SLC26A3: variants seen among roughly 807,000 people sequenced by gnomAD.
The protein encoded by SLC26A3 is solute carrier family 26 member 3, also known as chloride anion exchanger.
A neutral mutation model predicts 85.6 loss-of-function variants in SLC26A3; 64 were observed. The observed-to-expected ratio is 0.75, with a 90% CI of 0.61 to 0.92. The LOEUF (loss-of-function observed/expected upper bound fraction) is 0.92. Among genes scored for constraint, SLC26A3 ranks in the 40% least tolerant of loss-of-function variants. The probability of loss-of-function intolerance (pLI) is 0.00; values close to 1 mark genes in which losing one functional copy is unlikely to be tolerated. For synonymous variants in SLC26A3, 349 were observed against 336.0 expected (o/e 1.04, Z -0.42); for missense variants, 922 against 927.3 (o/e 0.99, Z 0.07).
At chr7:107,775,045 C>G (rs540328337) in intron 15 of SLC26A3, among the ~76,000 whole-genome samples, 173 bp from the exon 16 acceptor site, 1 of 152,322 alleles carries the variant, frequency 6.6e-6, no homozygotes, top group East Asian at 1.9e-4. Context: ...GGGTCAGACC[C>G]ATGGTCTGCT....
intron 3 of SLC26A3, among the ~76,000 whole-genome samples, 171 bp downstream of exon 3, chr7:107,793,571 T>C (rs1488085318): frequency 6.6e-6 from 1 of 151,756 alleles, no homozygotes; most frequent in East Asian, 1.9e-4. Flanking sequence ...GTAGGGGGGA[T>C]GTGAAGTTAA....
At position 107,765,856 on chromosome 7, in the gene SLC26A3, T is replaced by G. The variant is rs779814716; in HGVS notation, c.2294A>C (p.Ter765SerextTer24). Reference protein sequence around the residue: ...VYEVPVETKF* With the variant: ...VYEVPVETKFS ...AGATCCTTCTGAATTATATGTTGAT[T>G]AGAATTTTGTTTCAACTGGCACCTG... Residue 765 changes from the stop codon to serine, a stop_lost, in exon 21 of 21, where the codon TAA becomes TCA. Transcript: ENST00000340010. 2 of 1,609,902 alleles carry G rather than the reference T, an allele frequency of 1.2e-6. No individual in the cohort carries two copies. The highest frequency in any genetic ancestry group is 2.2e-5 in the East Asian group (1 of 44,790).
intron 3 of SLC26A3, among the ~76,000 whole-genome samples, chr7:107,792,947 T>G (rs1794427745): frequency 6.6e-6 from 1 of 152,108 alleles, no homozygotes; most frequent in Non-Finnish European, 1.5e-5. Flanking sequence ...AATAGACATG[T>G]TTCAAAAGAT....
chr7:107,766,166 TACCCCAGTCACC>T (rs2115777546), intron 20 of SLC26A3, among the ~76,000 whole-genome samples: 1 of 152,328 alleles, frequency 6.6e-6, no homozygotes, highest in South Asian at 2.1e-4. Flanking sequence ...ATTCAGCTGT[TACCCCAGTCACC>T]ACTGGTGGCC....
In SLC26A3 at chr7:107,772,121, A is replaced by G. The variant is rs1433309666; in HGVS notation, c.2008-13T>C. 2 of 1,520,308 alleles carry G rather than the reference A, an allele frequency of 1.3e-6. No individual in the cohort carries two copies. The highest frequency in any genetic ancestry group is 3.3e-5 in the Admixed American group (2 of 59,834). The allele number at this position is 1,520,308 out of a possible 1,614,324, so 94.2% of individuals were successfully genotyped here. On this transcript the variant is annotated splice_polypyrimidine_tract_variant and intron_variant, in intron 17 of 20. Coordinates refer to ENST00000340010, the MANE Select transcript of SLC26A3 (RefSeq NM_000111.3). Reference sequence around the variant, plus strand: ...ATTCTTGCAAAATCTGTTAAAAAGAAAAGTATATCTTCCTTAGGGAACAGT... The same window carrying G: ...ATTCTTGCAAAATCTGTTAAAAAGAGAAGTATATCTTCCTTAGGGAACAGT...
rs1160241316 is a variant in SLC26A3, at chr7:107,803,132, G to A, written c.-110C>T. ...CTACCTGACACATACTCTGTGAGGAGCTTCTGCAACAGTGGTACATTTTCA... is the reference window on the plus strand; with the variant it reads ...CTACCTGACACATACTCTGTGAGGAACTTCTGCAACAGTGGTACATTTTCA... On this transcript the variant is annotated 5_prime_UTR_variant, in exon 1 of 21. Coordinates refer to ENST00000340010, the MANE Select transcript of SLC26A3 (RefSeq NM_000111.3). 6.6e-6 allele frequency: 1 copy of A among 152,322 alleles called. No individual in the cohort carries two copies. The highest frequency in any genetic ancestry group is 1.5e-5 in the Non-Finnish European group (1 of 68,028). The allele number at this position is 152,322 out of a possible 1,614,324, so 9.4% of individuals were successfully genotyped here.
chr7:107,776,397 T>G, intron 15 of SLC26A3, 55 bp downstream of exon 15: 1 of 1,341,910 alleles, frequency 7.5e-7, no homozygotes, highest in Non-Finnish European at 1.1e-6. Context: ...AACAATGACA[T>G]TCCCAGAATT....
At chr7:107,797,533 G>C (rs534917678) in intron 1 of SLC26A3, among the ~76,000 whole-genome samples, 1 of 139,428 alleles carries the variant, frequency 7.2e-6, no homozygotes, top group African/African-American at 2.7e-5. Context: ...CCAGACTTTA[G>C]AGAGAAATCT....
intron 15 of SLC26A3, chr7:107,776,092 T>A (rs1276484902): frequency 6.0e-6 from 2 of 335,360 alleles, no homozygotes; most frequent in Admixed American, 8.6e-5. Flanking sequence ...GAGGATGTGG[T>A]CAAATATTAA....
chr7:107,791,886 G>C lies in SLC26A3; in HGVS notation c.326C>G (p.Ser109Cys). Residue 109 changes from serine (S) to cysteine (C), a missense_variant, in exon 4 of 21, where the codon TCC becomes TGC. Coordinates refer to ENST00000340010, the MANE Select transcript of SLC26A3 (RefSeq NM_000111.3). ...DIPPVYGLYA[S>C]FFPAIIYLFF... ...AAGGTAGATTATGGCTGGGAAAAAG[G>C]ATGCATACAACCCATAGACTGGGGG... is the stretch of plus-strand genomic sequence containing the variant. 6.2e-7 allele frequency: 1 copy of C among 1,613,904 alleles called. No individual in the cohort carries two copies. Among genetic ancestry groups the C allele is most frequent in the Non-Finnish European group, 8.5e-7 (1 of 1,179,816 alleles).
chr7:107,786,642 T>A (rs1794300547), intron 8 of SLC26A3, among the ~76,000 whole-genome samples, 185 bp downstream of exon 8: 1 of 150,062 alleles, frequency 6.7e-6, no homozygotes, highest in Non-Finnish European at 1.5e-5. Flanking sequence ...CTGCACACCC[T>A]GCCTTTCTTT....
intron 12 of SLC26A3, among the ~76,000 whole-genome samples, chr7:107,779,267 C>T (rs1260940786): frequency 6.6e-6 from 1 of 152,052 alleles, no homozygotes; most frequent in Non-Finnish European, 1.5e-5. Flanking sequence ...AGAGTATTTC[C>T]AAAAGCAATG....
At chr7:107,782,722 G>T in intron 11 of SLC26A3, 75 bp downstream of exon 11, 2 of 1,342,056 alleles carry the variant, frequency 1.5e-6, no homozygotes, top group Non-Finnish European at 1.1e-6. Context: ...AGTTTAGTTT[G>T]TGCTTTCAGA....
chr7:107,778,154 C>T, intron 13 of SLC26A3, 21 bp downstream of exon 13: 1 of 1,541,366 alleles, frequency 6.5e-7, no homozygotes, highest in Non-Finnish European at 9.0e-7. Flanking sequence ...TGCCAGGATG[C>T]AGAGCACTTT....
chr7:107,775,236 C>T (rs886761906), intron 15 of SLC26A3, among the ~76,000 whole-genome samples: 4 of 152,130 alleles, frequency 2.6e-5, no homozygotes, highest in Non-Finnish European at 4.4e-5. Flanking sequence ...GTTGCACCTA[C>T]ATAAGTATTC....
chr7:107,788,799 T>C lies in SLC26A3; in HGVS notation c.735+725A>G, dbSNP rs1418852629. Among the ~76,000 whole-genome samples the C allele has an allele frequency of 4.1e-5, 6 of 147,690 alleles. No individual in the cohort carries two copies. In the South Asian group the frequency reaches 6.4e-4, roughly 16 times the overall value. On this transcript the variant is annotated intron_variant, in intron 6 of 20. Coordinates refer to ENST00000340010, the MANE Select transcript of SLC26A3 (RefSeq NM_000111.3). ...TTTTTCTTTTCTTTTTTTTTTTTTT[T>C]TTGAGACTATGTCTCGCTCTGTTGC...
At chr7:107,766,403 G>T (rs1056614527) in intron 20 of SLC26A3, among the ~76,000 whole-genome samples, 2 of 152,068 alleles carry the variant, frequency 1.3e-5, no homozygotes, top group African/African-American at 4.8e-5. Context: ...CTGAGGAGAG[G>T]GTTTCTGGTG....
chr7:107,769,135 T>G (rs1313947595), intron 18 of SLC26A3, among the ~76,000 whole-genome samples: 1 of 152,158 alleles, frequency 6.6e-6, no homozygotes, highest in African/African-American at 2.4e-5. Flanking sequence ...GAACTAATTT[T>G]CACTCCCACC....
Position 107,765,810 on chromosome 7 carries a change from T to G in SLC26A3, c.*45A>C. On this transcript the variant is annotated 3_prime_UTR_variant, in exon 21 of 21. Transcript: ENST00000340010. ...AATAACTTTCTGGGTATAAAGTTGT[T>G]TTTATGTCATAGTCAGATGAAGATC... 1.3e-6 allele frequency: 2 copies of G among 1,484,266 alleles called. No individual in the cohort carries two copies. Among genetic ancestry groups the G allele is most frequent in the Non-Finnish European group, 1.9e-6 (2 of 1,062,568 alleles). 91.9% of individuals were successfully genotyped at this position (1,484,266 alleles called of 1,614,324 possible).
Sources: gnomAD v4.1 joint callset for allele counts (sites outside exome capture counted in the v4.1 genomes callset) on GRCh38, gnomAD v4.1.1 for gene constraint, MANE v1.5 for transcripts, NCBI Gene and HGNC (gene_info 2026-07-23, HGNC 2026-07-21) for gene names.